Variants in ATP6V1C2 observed in about 807,000 individuals in gnomAD.
ATP6V1C2 encodes the protein ATPase H+ transporting V1 subunit C2, also known as V-type proton ATPase subunit C 2.
A neutral mutation model predicts 56.8 loss-of-function variants in ATP6V1C2; 45 were observed. The ratio of observed to expected loss-of-function variants is 0.79; its 90% confidence interval spans 0.62 to 1.02. The LOEUF (loss-of-function observed/expected upper bound fraction) is 1.02. ATP6V1C2 is among the 50% of genes least tolerant of loss of function. The probability of loss-of-function intolerance (pLI) is 0.00; values close to 1 mark genes in which losing one functional copy is unlikely to be tolerated. For missense variants in ATP6V1C2, 463 were observed against 519.7 expected (o/e 0.89, Z 1.06); for synonymous variants, 220 against 201.3 (o/e 1.09, Z -0.79).
At chr2:10,762,129 T>C (rs2148475639) in intron 4 of ATP6V1C2, among the ~76,000 whole-genome samples, 1 of 151,444 alleles carries the variant, frequency 6.6e-6, no homozygotes, top group East Asian at 2.0e-4. Flanking sequence ...AGGGTTTTAA[T>C]GGGGTTGAAG....
intron 6 of ATP6V1C2, among the ~76,000 whole-genome samples, 199 bp from the exon 7 acceptor site, chr2:10,771,640 G>A (rs1268399138): frequency 6.6e-6 from 1 of 152,192 alleles, no homozygotes; most frequent in African/African-American, 2.4e-5. Flanking sequence ...CAGCAGCTGT[G>A]GCCCCAGCAC....
At chr2:10,772,480 C>A in intron 7 of ATP6V1C2, 62 bp from the exon 8 acceptor site, 2 of 1,382,654 alleles carry the variant, frequency 1.4e-6, no homozygotes, top group East Asian at 2.3e-5. Context: ...GCTTCCTAGG[C>A]ACTCAGGACA....
At chr2:10,775,131 T>G in intron 10 of ATP6V1C2, 60 bp downstream of exon 10, 1 of 1,259,436 alleles carries the variant, frequency 7.9e-7, no homozygotes. Context: ...GATAGAAGAG[T>G]CCTCCCAGGT....
intron 3 of ATP6V1C2, among the ~76,000 whole-genome samples, chr2:10,747,323 C>T (rs1662973800): frequency 6.6e-6 from 1 of 152,074 alleles, no homozygotes; most frequent in Non-Finnish European, 1.5e-5. Flanking sequence ...ATACTTTTAC[C>T]ACATCTGCTT....
chr2:10,731,973 A>C (rs547593688), intron 3 of ATP6V1C2, among the ~76,000 whole-genome samples: 2 of 152,148 alleles, frequency 1.3e-5, no homozygotes, highest in African/African-American at 4.8e-5. Flanking sequence ...ACCCTGTCTC[A>C]GGAAGAAAAG....
chr2:10,778,987 G>A (rs931520504), intron 12 of ATP6V1C2, among the ~76,000 whole-genome samples: 4 of 152,154 alleles, frequency 2.6e-5, no homozygotes, highest in African/African-American at 7.2e-5. Flanking sequence ...CGCAGGGCCC[G>A]AGTGGCTCCT....
intron 3 of ATP6V1C2, among the ~76,000 whole-genome samples, chr2:10,729,289 G>A (rs1337312771): frequency 2.0e-5 from 3 of 151,390 alleles, no homozygotes; most frequent in East Asian, 2.0e-4. Context: ...TCAACCTCCC[G>A]AGTAGCTGGG....
chr2:10,735,030 A>G (rs1345494766), intron 3 of ATP6V1C2, among the ~76,000 whole-genome samples: 7 of 152,128 alleles, frequency 4.6e-5, no homozygotes. Context: ...GGCTGCAGTG[A>G]GCCGTGATCG....
chr2:10,748,132 G>A (rs1449081032), intron 3 of ATP6V1C2, among the ~76,000 whole-genome samples: 4 of 152,150 alleles, frequency 2.6e-5, no homozygotes, highest in African/African-American at 9.7e-5. Context: ...TCCTGACCTC[G>A]TGGTCCACTT....
intron 3 of ATP6V1C2, among the ~76,000 whole-genome samples, chr2:10,729,139 AT>A (rs1428396702): frequency 9.2e-5 from 14 of 151,626 alleles, no homozygotes; most frequent in South Asian, 8.3e-4. Flanking sequence ...AAAAAAAAAA[AT>A]ATTACAAATC....
chr2:10,780,946 C>T lies in ATP6V1C2; in HGVS notation c.1062-1297C>T, dbSNP rs538729293. The stretch of plus-strand genomic sequence containing the variant: ...TTTTAGTAGCGACGGGGTTTCACCA[C>T]GTTGGCCAGGCTGGTCTTGAACTCC... On this transcript the variant is annotated intron_variant, in intron 12 of 13. Transcript: ENST00000272238. The surrounding 1 kb of genome is among the most constrained non-coding windows in gnomAD (Gnocchi z 4.1). Among the ~76,000 whole-genome samples, 3 of 152,166 alleles carry T rather than the reference C, an allele frequency of 2.0e-5. No individual in the cohort carries two copies. The highest frequency in any genetic ancestry group is 1.9e-4 in the East Asian group (1 of 5,146).
chr2:10,753,750 C>T (rs1045206035), intron 3 of ATP6V1C2, among the ~76,000 whole-genome samples: 5 of 151,996 alleles, frequency 3.3e-5, no homozygotes, highest in African/African-American at 4.8e-5. Flanking sequence ...AGGATGGTCT[C>T]GATCTCTTGA....
chr2:10,755,510 G>T lies in ATP6V1C2; in HGVS notation c.283+1444G>T, dbSNP rs572402988. Among the ~76,000 whole-genome samples, 18 of 152,322 alleles carry T rather than the reference G, an allele frequency of 1.2e-4. No individual in the cohort carries two copies. The South Asian group carries it at 3.7e-3, about 32-fold the overall frequency. On this transcript the variant is annotated intron_variant, in intron 4 of 13. Coordinates refer to ENST00000272238, the MANE Select transcript of ATP6V1C2 (RefSeq NM_001039362.2). ...GCACTGCTTTTAGCTCATCAGCACT[G>T]CTAGGTTTGGAAGTTGTTCCCCTTC...
At chr2:10,765,885 G>A (rs2148483335) in intron 5 of ATP6V1C2, among the ~76,000 whole-genome samples, 1 of 152,276 alleles carries the variant, frequency 6.6e-6, no homozygotes, top group South Asian at 2.1e-4. Flanking sequence ...CGGGAGACCT[G>A]GCTTCTCCAG....
Position 10,771,850 on chromosome 2 carries a change from T to A in ATP6V1C2, c.482T>A (p.Phe161Tyr), listed in dbSNP as rs1300126511. 6.2e-7 allele frequency: 1 copy of A among 1,614,082 alleles called. No individual in the cohort carries two copies. Among genetic ancestry groups the A allele is most frequent in the South Asian group, 1.1e-5 (1 of 91,080 alleles). ...NLEKKSMGNL[F>Y]TRTLSDIVSK... ...CACCTGCCTTTTAGGGGGAACCTCT[T>A]CACCCGGACACTGAGTGATATTGTG... The change falls in exon 7 of 14, where the codon TTC becomes TAC. Residue 161 changes from phenylalanine to tyrosine, a missense_variant. Phe to Tyr is a conservative substitution (Grantham distance 22). Coordinates refer to ENST00000272238, the MANE Select transcript of ATP6V1C2 (RefSeq NM_001039362.2).
intron 3 of ATP6V1C2, among the ~76,000 whole-genome samples, chr2:10,746,962 A>G (rs1042901769): frequency 6.6e-6 from 1 of 152,226 alleles, no homozygotes; most frequent in African/African-American, 2.4e-5. Flanking sequence ...TCCAGAAAAT[A>G]TGAAAGACAA....
intron 3 of ATP6V1C2, among the ~76,000 whole-genome samples, chr2:10,742,611 C>T (rs1662618400): frequency 6.6e-6 from 1 of 152,170 alleles, no homozygotes; most frequent in Admixed American, 6.5e-5. Context: ...GGGGGCCCTG[C>T]ATGGCAGGAA....
chr2:10,737,709 A>G (rs1662331353), intron 3 of ATP6V1C2, among the ~76,000 whole-genome samples: 2 of 152,114 alleles, frequency 1.3e-5, no homozygotes, highest in African/African-American at 4.8e-5. Flanking sequence ...TTGTTTTTGG[A>G]GACACAGTCT....
chr2:10,778,706 A>C (rs757552884), intron 12 of ATP6V1C2, 37 bp downstream of exon 12: 1 of 1,603,362 alleles, frequency 6.2e-7, no homozygotes, highest in Non-Finnish European at 8.5e-7. Flanking sequence ...GACTGTCCTG[A>C]GGATGGGCAG....
Sources: allele counts gnomAD v4.1 joint callset (sites outside exome capture counted in the v4.1 genomes callset), GRCh38; gene constraint gnomAD v4.1.1; non-coding constraint Gnocchi (gnomAD v3.1); transcripts MANE v1.5; gene names NCBI Gene and HGNC (gene_info 2026-07-23, HGNC 2026-07-21).